Variants in DDX55 observed in about 807,000 individuals in gnomAD.
DDX55 encodes DEAD-box helicase 55, also known as ATP-dependent RNA helicase DDX55.
A neutral mutation model predicts 69.2 loss-of-function variants in DDX55; 56 were observed. The ratio of observed to expected loss-of-function variants is 0.81; its 90% CI spans 0.65 to 1.01. DDX55 has a LOEUF of 1.01. Ranked by LOEUF, DDX55 falls within the 50% of genes least tolerant of loss-of-function variation. The probability of loss-of-function intolerance (pLI) is 0.00; values close to 1 mark genes in which losing one functional copy is unlikely to be tolerated. For synonymous variants in DDX55, 268 were observed against 273.1 expected (o/e 0.98, Z 0.18); for missense variants, 720 against 745.1 (o/e 0.97, Z 0.39).
rs755696941 is a variant in DDX55 at position 123,608,826 on chromosome 12, C to A, written c.548C>A (p.Ala183Glu). The change falls in exon 6 of 14, where the codon GCA becomes GAA. Residue 183 changes from alanine (A) to glutamate (E), a missense_variant. Coordinates refer to ENST00000238146, the MANE Select transcript of DDX55 (RefSeq NM_020936.3). Reference protein sequence around the residue: ...ADRLLDMGFEASINTILEFLP... With the variant: ...ADRLLDMGFEESINTILEFLP... The stretch of plus-strand genomic sequence containing the variant: ...AGACTTCTGGACATGGGGTTTGAGG[C>A]AAGGTACTGGACTTTGGACTTCACT... 1.7e-5 allele frequency: 27 copies of A among 1,613,414 alleles called. No individual in the cohort carries two copies. Among genetic ancestry groups the A allele is most frequent in the Non-Finnish European group, 2.3e-5 (27 of 1,179,610 alleles).
chr12:123,620,100 CAG>C lies in DDX55; in HGVS notation c.1764_1765del (p.Val589GlyfsTer10), dbSNP rs575799544. 6.8e-5 allele frequency: 110 copies of C among 1,614,094 alleles called. No individual in the cohort carries two copies. The African/African-American group carries it at 1.3e-3, about 19-fold the overall frequency. On this transcript the variant is annotated frameshift_variant, in exon 14 of 14. Coordinates refer to ENST00000238146, the MANE Select transcript of DDX55 (RefSeq NM_020936.3). LOFTEE classifies it high-confidence loss of function. ...ACAACTGGCAAAAGAACAATCAAGA[CAG>C]TGGATTTAGGGATCTCAGATTTGGA... is the stretch of plus-strand genomic sequence containing the variant.
chr12:123,602,857 C>T (rs1953652997), intron 1 of DDX55, among the ~76,000 whole-genome samples: 1 of 152,036 alleles, frequency 6.6e-6, no homozygotes. Flanking sequence ...TAGTGTCGCG[C>T]GAGGACTGCA....
chr12:123,618,850 T>A lies in DDX55; in HGVS notation c.1333+13T>A. 1.2e-6 allele frequency: 2 copies of A among 1,612,912 alleles called. No homozygotes were observed. The highest frequency in any genetic ancestry group is 2.2e-5 in the East Asian group (1 of 44,864). Reference sequence around the variant, plus strand: ...TTCAGATTAAAGGGTAAGTTGGACTTCTTCATGTGATAATGTCTCCATCTT... The same window carrying A: ...TTCAGATTAAAGGGTAAGTTGGACTACTTCATGTGATAATGTCTCCATCTT... On this transcript the variant is annotated intron_variant, in intron 12 of 13. Coordinates refer to ENST00000238146, the MANE Select transcript of DDX55 (RefSeq NM_020936.3).
At chr12:123,609,191 A>G (rs1266881796) in intron 6 of DDX55, among the ~76,000 whole-genome samples, 2 of 151,954 alleles carry the variant, frequency 1.3e-5, no homozygotes, top group Non-Finnish European at 2.9e-5. Context: ...GACTTAAGTG[A>G]TCCTCCTACC....
chr12:123,610,276 G>T, intron 7 of DDX55, 148 bp downstream of exon 7: 1 of 986,428 alleles, frequency 1.0e-6, no homozygotes. Context: ...GGCCTGAGTG[G>T]TCCTACTCAT....
chr12:123,610,309 C>T (rs1302611351), intron 7 of DDX55, among the ~76,000 whole-genome samples, 181 bp downstream of exon 7: 2 of 152,160 alleles, frequency 1.3e-5, no homozygotes, highest in African/African-American at 4.8e-5. Flanking sequence ...TTAAATTGGA[C>T]ATAAATGTAT....
chr12:123,606,812 G>GTGA (rs1953921104), intron 3 of DDX55, among the ~76,000 whole-genome samples: 1 of 152,160 alleles, frequency 6.6e-6, no homozygotes, highest in South Asian at 2.1e-4. Flanking sequence ...CTGGGCTCAA[G>GTGA]TGATCCTTCC....
intron 3 of DDX55, 94 bp from the exon 4 acceptor site, chr12:123,607,338 C>A: frequency 7.3e-7 from 1 of 1,371,682 alleles, no homozygotes; most frequent in Non-Finnish European, 1.0e-6. Flanking sequence ...TTCTCTGGAA[C>A]TTTCCTTTGT....
intron 3 of DDX55, among the ~76,000 whole-genome samples, chr12:123,607,023 T>TTAA (rs1280842475): frequency 1.9e-4 from 29 of 151,932 alleles, no homozygotes; most frequent in African/African-American, 7.0e-4. Context: ...AAGGCATGAG[T>TTAA]TAATGTGCTG....
intron 10 of DDX55, 100 bp from the exon 11 acceptor site, chr12:123,617,658 C>T: frequency 9.6e-7 from 1 of 1,042,424 alleles, no homozygotes; most frequent in Non-Finnish European, 1.4e-6. Context: ...AGGCTAGAGG[C>T]TCCCCAGAGC....
chr12:123,612,787 T>TA (rs1954351006), intron 7 of DDX55, among the ~76,000 whole-genome samples: 1 of 144,880 alleles, frequency 6.9e-6, no homozygotes, highest in Non-Finnish European at 1.5e-5. Context: ...AGGAGTTCGA[T>TA]ACCAGTCTGG....
chr12:123,620,012 A>G lies in DDX55; in HGVS notation c.1675A>G (p.Arg559Gly), dbSNP rs541267312. Residue 559 changes from arginine to glycine, a missense_variant, in exon 14 of 14, where the codon AGA becomes GGA. By Grantham distance (125) the Arg-to-Gly change is moderately radical. Transcript: ENST00000238146. ...EDMEELLNDT[R>G]LLKKLKKGKI... ...CATGGAAGAACTTCTTAATGACACA[A>G]GACTCTTGAAAAAACTTAAGAAAGG... 20 of 1,614,090 alleles carry G rather than the reference A, an allele frequency of 1.2e-5. No individual in the cohort carries two copies. The highest frequency in any genetic ancestry group is 4.0e-5 in the African/African-American group (3 of 74,942).
chr12:123,612,898 A>G (rs1482931212), intron 7 of DDX55, among the ~76,000 whole-genome samples: 1 of 152,040 alleles, frequency 6.6e-6, no homozygotes, highest in African/African-American at 2.4e-5. Flanking sequence ...GCTGGCATGT[A>G]TATTGGGATT....
chr12:123,609,895 C>G (rs1372093351), intron 6 of DDX55, 44 bp from the exon 7 acceptor site: 2 of 1,580,498 alleles, frequency 1.3e-6, no homozygotes, highest in Non-Finnish European at 1.7e-6. Flanking sequence ...TGTGTTGATT[C>G]TGCTGGCAAG....
At position 123,602,222 on chromosome 12, in the gene DDX55, G is replaced by C. The variant is rs866589622; in HGVS notation, c.74G>C (p.Arg25Pro). 6.4e-7 allele frequency: 1 copy of C among 1,570,960 alleles called. No individual in the cohort carries two copies. Among genetic ancestry groups the C allele is most frequent in the Admixed American group, 1.8e-5 (1 of 54,378 alleles). The change falls in exon 1 of 14, where the codon CGG becomes CCG. Residue 25 changes from arginine (R) to proline (P), a missense_variant. By Grantham distance (103) the Arg-to-Pro change is moderately radical (BLOSUM62 -2). Transcript: ENST00000238146. ...CACCCGCAGGTGCTGGGCGCGCTGC[G>C]GGAGCTGGGCTTCCCGTACATGACG... ...PLHPQVLGAL[R>P]ELGFPYMTPV...
chr12:123,612,438 T>C (rs780416225), intron 7 of DDX55, among the ~76,000 whole-genome samples: 6 of 152,248 alleles, frequency 3.9e-5, no homozygotes, highest in Middle Eastern at 6.8e-3. Context: ...TGTCTCTAAT[T>C]TGGGAGTTTG....
chr12:123,609,868 AGTATCGTGAAGCACT>A, intron 6 of DDX55, 56 bp from the exon 7 acceptor site: 5 of 1,518,766 alleles, frequency 3.3e-6, no homozygotes, highest in Non-Finnish European at 4.4e-6. Context: ...ATACCTGTTT[AGTATCGTGAAGCACT>A]GTGTGTTGAT....
intron 1 of DDX55, among the ~76,000 whole-genome samples, chr12:123,604,165 G>T (rs955341791): frequency 6.6e-6 from 1 of 152,174 alleles, no homozygotes; most frequent in African/African-American, 2.4e-5. Context: ...CCATTTGTTT[G>T]GAAGGCTGAG....
Position 123,610,120 on chromosome 12 carries a change from T to C in DDX55, c.733T>C (p.Tyr245His), listed in dbSNP as rs1435693100. Residue 245 changes from tyrosine (Y) to histidine (H), a missense_variant, in exon 7 of 14, where the codon TAC becomes CAC. Tyr to His is a moderately conservative substitution (Grantham distance 83). Transcript: ENST00000238146. ...GAAGACCCCCTCCCGCCTGGAAAAC[T>C]ACTACATGGTAAGCGCCTGGGCTTG... ...AQKTPSRLEN[Y>H]YMVCKADEKF... 3 of 1,612,972 alleles carry C rather than the reference T, an allele frequency of 1.9e-6. No homozygotes were observed. Among genetic ancestry groups the C allele is most frequent in the Non-Finnish European group, 2.5e-6 (3 of 1,179,714 alleles).
Sources: gnomAD v4.1 joint callset for allele counts (sites outside exome capture counted in the v4.1 genomes callset) on GRCh38, gnomAD v4.1.1 for gene constraint, MANE v1.5 for transcripts, NCBI Gene and HGNC (gene_info 2026-07-23, HGNC 2026-07-21) for gene names.